ITGB5: variants seen among roughly 807,000 people sequenced by gnomAD.
ITGB5 encodes integrin beta-5.
In ITGB5, 38 loss-of-function variants were observed where a neutral mutation model predicts 84.8. That is an observed-to-expected ratio of 0.45 (90% CI 0.35 to 0.59). The LOEUF (loss-of-function observed/expected upper bound fraction) is 0.59. Among genes scored for constraint, ITGB5 ranks in the 20% least tolerant of loss-of-function variants. ITGB5 has a pLI of 0.01. For missense variants in ITGB5, 905 were observed against 1,034.5 expected (o/e 0.87, Z 1.72); for synonymous variants, 393 against 414.4 (o/e 0.95, Z 0.63).
rs781059941 is a variant in ITGB5 at position 124,841,546 on chromosome 3, T to A, written c.617A>T (p.Lys206Met). ...GGAGGGGACGCAATTTGGAAACAAC[T>A]TGTAACTAGAGAGGAAGAAGAGAAG... Reference protein sequence around the residue: ...RYQTNPCIGYKLFPNCVPSFG... With the variant: ...RYQTNPCIGYMLFPNCVPSFG... The change falls in exon 5 of 15, where the codon AAG becomes ATG. Residue 206 changes from lysine (K) to methionine (M), a missense_variant. By Grantham distance (95) the Lys-to-Met change is moderately conservative (BLOSUM62 -1). Coordinates refer to ENST00000296181, the MANE Select transcript of ITGB5 (RefSeq NM_002213.5). 6.2e-7 allele frequency: 1 copy of A among 1,613,694 alleles called. No individual in the cohort carries two copies. The highest frequency in any genetic ancestry group is 8.5e-7 in the Non-Finnish European group (1 of 1,179,754).
At chr3:124,811,563 G>A (rs1362805644) in intron 8 of ITGB5, among the ~76,000 whole-genome samples, 1 of 152,110 alleles carries the variant, frequency 6.6e-6, no homozygotes, top group African/African-American at 2.4e-5. Context: ...ATCTGCCCAA[G>A]CCGCCACTCG....
At chr3:124,889,861 A>T (rs890516227), upstream of ITGB5, among the ~76,000 whole-genome samples, 1 of 152,090 alleles carries the variant, frequency 6.6e-6, no homozygotes, top group Non-Finnish European at 1.5e-5. Flanking sequence ...AAAATACAAA[A>T]ATTAGCTGGG....
intron 2 of ITGB5, among the ~76,000 whole-genome samples, chr3:124,869,580 GAATA>G (rs925956384): frequency 4.6e-5 from 7 of 152,040 alleles, no homozygotes; most frequent in Non-Finnish European, 8.8e-5. Context: ...TGCCTCAAAT[GAATA>G]AATAAATAAA....
At chr3:124,840,504 C>T (rs2064995847) in intron 5 of ITGB5, among the ~76,000 whole-genome samples, 1 of 151,924 alleles carries the variant, frequency 6.6e-6, no homozygotes, top group Non-Finnish European at 1.5e-5. Context: ...TTATCACCAA[C>T]ATTCCATTTA....
chr3:124,899,648 G>A (rs1579356176), intron 1 of ITGB5, among the ~76,000 whole-genome samples: 1 of 151,952 alleles, frequency 6.6e-6, no homozygotes, highest in Non-Finnish European at 1.5e-5. Flanking sequence ...TGAGCCCAGG[G>A]ATCATAGCCA....
chr3:124,865,481 C>CTTTTTTTTTTTTTTTTTTTT (rs59446328), intron 2 of ITGB5, among the ~76,000 whole-genome samples: 1 of 93,296 alleles, frequency 1.1e-5, no homozygotes, highest in African/African-American at 4.1e-5. Context: ...CGGCTTTTTT[C>CTTTTTTTTTTTTTTTTTTTT]TTTTTTTTTT....
At chr3:124,837,127 TGAA>T (rs2064945726) in intron 5 of ITGB5, among the ~76,000 whole-genome samples, 1 of 152,172 alleles carries the variant, frequency 6.6e-6, no homozygotes, top group South Asian at 2.1e-4. Flanking sequence ...CTGAGAGCCA[TGAA>T]GAAGAGCAAA....
At chr3:124,797,738 TGAG>T (rs2064252510) in intron 9 of ITGB5, among the ~76,000 whole-genome samples, 1 of 152,064 alleles carries the variant, frequency 6.6e-6, no homozygotes, top group South Asian at 2.1e-4. Flanking sequence ...CTCACCCCCC[TGAG>T]GAGAGCCATG....
intron 1 of ITGB5, among the ~76,000 whole-genome samples, chr3:124,882,770 C>A (rs905581948): frequency 4.6e-5 from 7 of 152,140 alleles, no homozygotes; most frequent in Admixed American, 1.3e-4. Flanking sequence ...CAAGAGACAA[C>A]CAGCTCTGAA....
chr3:124,851,605 G>A lies in ITGB5; in HGVS notation c.362-3047C>T, dbSNP rs1030361036. On this transcript the variant is annotated intron_variant, in intron 3 of 14. Coordinates refer to ENST00000296181, the MANE Select transcript of ITGB5 (RefSeq NM_002213.5). ...CATTCTAAGAGAAATTGATCAGTAA[G>A]AAAACACACACACACACACACACAC... is the stretch of plus-strand genomic sequence containing the variant. 2.8e-4 allele frequency among the ~76,000 whole-genome samples: 25 copies of A among 88,402 alleles called. 1 individual carries two copies. In the Middle Eastern group the frequency reaches 0.048, roughly 170 times the overall value. 58.0% of individuals were successfully genotyped at this position (88,402 alleles called of 152,430 possible). A position where few individuals can be genotyped will look rare whatever the true frequency, so the allele number is the denominator to read the frequency against.
intron 2 of ITGB5, among the ~76,000 whole-genome samples, chr3:124,868,802 G>A (rs572751007): frequency 7.3e-5 from 11 of 151,256 alleles, no homozygotes; most frequent in African/African-American, 2.4e-4. Flanking sequence ...CCCTGTCTCC[G>A]AAAATAAATT....
At chr3:124,841,907 G>A (rs2065016475) in intron 4 of ITGB5, among the ~76,000 whole-genome samples, 1 of 152,220 alleles carries the variant, frequency 6.6e-6, no homozygotes, top group African/African-American at 2.4e-5. Context: ...TAGGCAGAGT[G>A]GAGAGGAAGT....
intron 5 of ITGB5, among the ~76,000 whole-genome samples, chr3:124,827,500 C>T (rs559872998): frequency 2.6e-5 from 4 of 152,260 alleles, no homozygotes; most frequent in Non-Finnish European, 5.9e-5. Context: ...AATTTAAAAG[C>T]CTTGTATTAA....
At chr3:124,822,492 T>G (rs1443591575) in intron 5 of ITGB5, among the ~76,000 whole-genome samples, 1 of 152,204 alleles carries the variant, frequency 6.6e-6, no homozygotes, top group African/African-American at 2.4e-5. Flanking sequence ...CCTCTCTTAC[T>G]TATCATCATA....
intron 2 of ITGB5, among the ~76,000 whole-genome samples, chr3:124,867,983 G>C (rs1657093288): frequency 6.6e-6 from 1 of 152,186 alleles, no homozygotes; most frequent in Admixed American, 6.5e-5. Context: ...TGAATCATGG[G>C]GGCGGTTTCC....
At chr3:124,834,729 T>C (rs566491505) in intron 5 of ITGB5, among the ~76,000 whole-genome samples, 1 of 151,888 alleles carries the variant, frequency 6.6e-6, no homozygotes, top group Admixed American at 6.5e-5. Context: ...AGGGAAGTAG[T>C]ATCAAAGAAA....
chr3:124,864,446 C>T (rs1030629725), intron 2 of ITGB5, among the ~76,000 whole-genome samples: 14 of 152,066 alleles, frequency 9.2e-5, no homozygotes, highest in African/African-American at 3.1e-4. Flanking sequence ...TCAATGAATA[C>T]GGATGCCTCA....
intron 5 of ITGB5, among the ~76,000 whole-genome samples, chr3:124,823,491 C>T (rs2064737998): frequency 6.6e-6 from 1 of 151,638 alleles, no homozygotes; most frequent in Non-Finnish European, 1.5e-5. Context: ...CATAACAAAA[C>T]TACTTATGGG....
At chr3:124,841,119 A>G (rs1439001334) in intron 5 of ITGB5, among the ~76,000 whole-genome samples, 1 of 152,262 alleles carries the variant, frequency 6.6e-6, no homozygotes, top group Non-Finnish European at 1.5e-5. Context: ...AAATGCAGAC[A>G]GCTGTCTTCT....
Sources: gnomAD v4.1 joint callset for allele counts (sites outside exome capture counted in the v4.1 genomes callset) on GRCh38, gnomAD v4.1.1 for gene constraint, MANE v1.5 for transcripts, NCBI Gene and HGNC (gene_info 2026-07-23, HGNC 2026-07-21) for gene names.